The following PITPNB variants were observed in gnomAD, a reference collection of about 807,000 sequenced individuals.
The protein encoded by PITPNB is phosphatidylinositol transfer protein beta.
A neutral mutation model predicts 45.9 loss-of-function variants in PITPNB; 16 were observed. The ratio of observed to expected loss-of-function variants is 0.35; its 90% CI spans 0.24 to 0.53. The LOEUF (loss-of-function observed/expected upper bound fraction) is 0.53. Among genes scored for constraint, PITPNB ranks in the 20% least tolerant of loss-of-function variants. The pLI is 0.93. For missense variants in PITPNB, 188 were observed against 330.5 expected (o/e 0.57, Z 3.34); for synonymous variants, 112 against 108.9 (o/e 1.03, Z -0.18).
intron 4 of PITPNB, 139 bp from the exon 5 acceptor site, chr22:27,897,276 T>C: frequency 1.2e-5 from 9 of 734,020 alleles, no homozygotes; most frequent in East Asian, 2.4e-5. Flanking sequence ...GTAATTTATG[T>C]CTGCAAAACA....
intron 7 of PITPNB, among the ~76,000 whole-genome samples, chr22:27,881,195 T>C (rs572360403): frequency 2.6e-5 from 4 of 152,326 alleles, no homozygotes; most frequent in Non-Finnish European, 5.9e-5. Context: ...ACAAAAGACC[T>C]TGACAACAGT....
At chr22:27,884,963 C>A (rs1257669821) in intron 7 of PITPNB, among the ~76,000 whole-genome samples, 1 of 151,130 alleles carries the variant, frequency 6.6e-6, no homozygotes. Context: ...CTGATACAAT[C>A]CTTTCTTGTT....
At chr22:27,913,437 A>G (rs1935991352) in intron 2 of PITPNB, among the ~76,000 whole-genome samples, 2 of 152,236 alleles carry the variant, frequency 1.3e-5, no homozygotes, top group African/African-American at 4.8e-5. Flanking sequence ...AAGTTACAGA[A>G]GAGCCTAGAG....
rs1371077253 is a variant in PITPNB, at chr22:27,853,268, T to C, written c.*434A>G. 8.7e-6 allele frequency: 2 copies of C among 230,936 alleles called. No individual in the cohort carries two copies. Among genetic ancestry groups the C allele is most frequent in the East Asian group, 1.7e-4 (2 of 11,636 alleles). 14.3% of individuals were successfully genotyped at this position (230,936 alleles called of 1,614,324 possible). A position where few individuals can be genotyped will look rare whatever the true frequency, so the allele number is the denominator to read the frequency against. ...CTTGACATTTATGAAACATACCAGC[T>C]AGTATTACATTGCAGTCAATTTGTC... On this transcript the variant is annotated 3_prime_UTR_variant, in exon 12 of 12. Transcript: ENST00000335272.
At chr22:27,860,474 A>G (rs540659400) in intron 8 of PITPNB, 1 of 386,544 alleles carries the variant, frequency 2.6e-6, no homozygotes, top group South Asian at 4.1e-5. Context: ...TTTAATAGGT[A>G]TGTTGCTCTG....
chr22:27,904,743 TG>T (rs1329759859), intron 3 of PITPNB, among the ~76,000 whole-genome samples: 1 of 151,698 alleles, frequency 6.6e-6, no homozygotes, highest in Non-Finnish European at 1.5e-5. Context: ...ATGATGGAGA[TG>T]GAAGAAAGAA....
chr22:27,853,687 G>T, intron 11 of PITPNB, 24 bp from the exon 12 acceptor site: 1 of 1,520,398 alleles, frequency 6.6e-7, no homozygotes, highest in Non-Finnish European at 8.9e-7. Context: ...GAAAGACAGT[G>T]CAAAATGTGT....
chr22:27,903,533 T>G (rs1935669604), intron 3 of PITPNB, among the ~76,000 whole-genome samples: 1 of 150,820 alleles, frequency 6.6e-6, no homozygotes, highest in African/African-American at 2.4e-5. Context: ...CCCAGTACTT[T>G]GGGAGGCTGA....
At chr22:27,870,080 T>TA (rs1433963087) in intron 8 of PITPNB, among the ~76,000 whole-genome samples, 3 of 152,196 alleles carry the variant, frequency 2.0e-5, no homozygotes, top group African/African-American at 7.2e-5. Context: ...GATTAAGAGT[T>TA]AAAATCTGCT....
intron 7 of PITPNB, among the ~76,000 whole-genome samples, chr22:27,885,743 GATTTT>G (rs1274523014): frequency 6.6e-6 from 1 of 152,098 alleles, no homozygotes; most frequent in African/African-American, 2.4e-5. Context: ...AATTAAAGTA[GATTTT>G]ATTTTTTCAT....
intron 10 of PITPNB, among the ~76,000 whole-genome samples, chr22:27,856,833 T>G (rs1414309905): frequency 6.6e-6 from 1 of 152,148 alleles, no homozygotes; most frequent in Non-Finnish European, 1.5e-5. Flanking sequence ...TCCTGAAGCC[T>G]TGGGCACTTG....
intron 7 of PITPNB, among the ~76,000 whole-genome samples, chr22:27,891,634 A>G (rs1388634212): frequency 2.0e-5 from 3 of 152,104 alleles, no homozygotes; most frequent in African/African-American, 7.2e-5. Flanking sequence ...TGTTCTGGTG[A>G]CGGTGAGTGA....
intron 3 of PITPNB, among the ~76,000 whole-genome samples, chr22:27,898,497 A>T (rs1935498359): frequency 6.6e-6 from 1 of 152,056 alleles, no homozygotes; most frequent in African/African-American, 2.4e-5. Context: ...GTAAAACCTA[A>T]GAGTTAACAG....
chr22:27,911,089 G>A lies in PITPNB; in HGVS notation c.72C>T (p.Tyr24=), dbSNP rs770049116. Residue 24 remains tyrosine, a synonymous_variant, in exon 3 of 12, where the codon TAC becomes TAT. Transcript: ENST00000335272. ...CATTCTTACTAGCTTCTGCAACAGA[G>A]TAAAGCTGCCCAACCTGATACTGAA... ...SVQEYQVGQL[Y]SVAEASKNET... is the part of the protein sequence containing the mutation. 2.5e-5 allele frequency: 41 copies of A among 1,612,998 alleles called. 1 individual carries two copies. In the Admixed American group the frequency reaches 6.8e-4, roughly 27 times the overall value.
chr22:27,901,145 G>C (rs1935580377), intron 3 of PITPNB, among the ~76,000 whole-genome samples: 1 of 152,180 alleles, frequency 6.6e-6, no homozygotes, highest in Non-Finnish European at 1.5e-5. Flanking sequence ...TAAGAGTGAA[G>C]AGTTAAGAGT....
At position 27,854,895 on chromosome 22, in the gene PITPNB, G is replaced by C; in HGVS notation, c.813C>G (p.Val271=). ...GSVRGTSAAD[V] ...TCTGACCCTACAGGGGACTCATCTA[G>C]ACATCAGCAGCCGACGTGCCTCGAA... The change falls in exon 11 of 12, where the codon GTC becomes GTG. Residue 271 remains valine (V), a synonymous_variant. Transcript: ENST00000335272. The C allele has an allele frequency of 6.2e-7, 1 of 1,613,642 alleles. No homozygotes were observed. The highest frequency in any genetic ancestry group is 1.1e-5 in the South Asian group (1 of 91,076).
intron 7 of PITPNB, among the ~76,000 whole-genome samples, chr22:27,881,463 G>T (rs575709083): frequency 2.0e-5 from 3 of 152,150 alleles, no homozygotes; most frequent in Admixed American, 6.5e-5. Flanking sequence ...AGAAATGAAC[G>T]TCTAGGTTCA....
chr22:27,864,965 G>T (rs1934443084), intron 8 of PITPNB, among the ~76,000 whole-genome samples: 2 of 150,656 alleles, frequency 1.3e-5, no homozygotes, highest in African/African-American at 4.9e-5. Flanking sequence ...GAAAAAAAAA[G>T]AAAAAAATTC....
chr22:27,903,771 G>A (rs1351836535), intron 3 of PITPNB, among the ~76,000 whole-genome samples: 2 of 113,894 alleles, frequency 1.8e-5, no homozygotes, highest in Non-Finnish European at 3.4e-5. Flanking sequence ...GTGAGACCCT[G>A]TCTCCCAAAA....
Sources: gnomAD v4.1 joint callset for allele counts (sites outside exome capture counted in the v4.1 genomes callset) on GRCh38, gnomAD v4.1.1 for gene constraint, MANE v1.5 for transcripts, NCBI Gene and HGNC (gene_info 2026-07-23, HGNC 2026-07-21) for gene names.